Variants in FER1L6 observed in about 807,000 individuals in gnomAD.
The protein encoded by FER1L6 is fer-1-like protein 6.
FER1L6 carries 177 observed loss-of-function variants against 219.2 expected under a neutral mutation model. That is an observed-to-expected ratio of 0.81 (90% CI 0.71 to 0.91). The LOEUF is 0.91. Ranked by LOEUF, FER1L6 falls within the 40% of genes least tolerant of loss-of-function variation. The probability of loss-of-function intolerance (pLI) is 0.00; values close to 1 mark genes in which losing one functional copy is unlikely to be tolerated. For missense variants in FER1L6, 2,153 were observed against 2,259.9 expected, an observed-to-expected ratio of 0.95 and a Z score of 0.96; for synonymous variants, 768 against 824.3, an observed-to-expected ratio of 0.93 and a Z score of 1.17.
chr8:124,016,877 C>T (rs1433335359), intron 15 of FER1L6, among the ~76,000 whole-genome samples: 1 of 152,078 alleles, frequency 6.6e-6, no homozygotes, highest in Non-Finnish European at 1.5e-5. Flanking sequence ...GGTAAGAATT[C>T]TAGTGTAATT....
At chr8:123,899,538 T>C (rs1201210151) in intron 1 of FER1L6, among the ~76,000 whole-genome samples, 1 of 152,230 alleles carries the variant, frequency 6.6e-6, no homozygotes, top group African/African-American at 2.4e-5. Flanking sequence ...TATTTGTATT[T>C]GTTTTTATCG....
chr8:123,966,347 T>TG, intron 5 of FER1L6, 57 bp downstream of exon 5: 1 of 1,600,294 alleles, frequency 6.2e-7, no homozygotes, highest in East Asian at 2.2e-5. Flanking sequence ...ACCACCATTC[T>TG]GCAGGATCCT....
chr8:123,926,315 G>T (rs559588581), intron 1 of FER1L6, among the ~76,000 whole-genome samples: 4 of 152,166 alleles, frequency 2.6e-5, no homozygotes, highest in Non-Finnish European at 5.9e-5. Context: ...AATCCCGGTG[G>T]CTTACTTTCC....
Position 123,975,223 on chromosome 8 carries a change from G to A in FER1L6, c.600G>A (p.Leu200=). ...TCAGGACTGGCACCAAGGGGTACCT[G>A]AAATGTGACATCAGTGTCATGGGAA... The part of the protein sequence containing the change: ...GDIRTGTKGY[L]KCDISVMGKG... The change falls in exon 8 of 41, where the codon CTG becomes CTA. Residue 200 remains leucine (L), a synonymous_variant. Transcript: ENST00000522917. The A allele has an allele frequency of 6.2e-7, 1 of 1,613,190 alleles. No homozygotes were observed. Among genetic ancestry groups the A allele is most frequent in the East Asian group, 2.2e-5 (1 of 44,848 alleles).
At chr8:124,036,372 T>C (rs1227539075) in intron 19 of FER1L6, 1 of 152,242 alleles carries the variant, frequency 6.6e-6, no homozygotes, top group Non-Finnish European at 1.5e-5. Context: ...CGTAAGAGCA[T>C]TGTCTTTGGA....
intron 39 of FER1L6, among the ~76,000 whole-genome samples, chr8:124,110,963 A>G (rs1822999691): frequency 6.6e-6 from 1 of 152,206 alleles, no homozygotes; most frequent in Non-Finnish European, 1.5e-5. Context: ...AACTTGGAGC[A>G]AAGTGCTCAC....
intron 20 of FER1L6, among the ~76,000 whole-genome samples, chr8:124,042,290 G>C (rs1819536141): frequency 1.3e-5 from 2 of 152,176 alleles, no homozygotes; most frequent in African/African-American, 4.8e-5. Flanking sequence ...TTGAGTTCTG[G>C]ACTCTGTCTC....
rs565983056 is a variant in FER1L6, at chr8:123,871,023, A to C, written c.-8+18838A>C. Among the ~76,000 whole-genome samples the C allele has an allele frequency of 6.6e-5, 10 of 152,340 alleles. No homozygotes were observed. The East Asian group carries it at 1.9e-3, about 29-fold the overall frequency. The stretch of plus-strand genomic sequence containing the variant: ...AAAACCACTATATATGTATACAGGA[A>C]TTGAATACTTAAGTAAATGAATGGC... On this transcript the variant is annotated intron_variant, in intron 1 of 40. Coordinates refer to ENST00000522917, the MANE Select transcript of FER1L6 (RefSeq NM_001039112.2).
chr8:124,014,562 A>T (rs948269167), intron 15 of FER1L6: 6 of 152,608 alleles, frequency 3.9e-5, no homozygotes, highest in African/African-American at 1.4e-4. Context: ...GGTCAGAGAG[A>T]CAGGGAGACA....
intron 12 of FER1L6, among the ~76,000 whole-genome samples, chr8:123,991,417 C>A (rs981752744): frequency 6.6e-6 from 1 of 152,026 alleles, no homozygotes; most frequent in Non-Finnish European, 1.5e-5. Flanking sequence ...AGAGATATTT[C>A]ACCTCCTTGG....
At chr8:123,895,804 A>G (rs1812732561) in intron 1 of FER1L6, among the ~76,000 whole-genome samples, 1 of 152,188 alleles carries the variant, frequency 6.6e-6, no homozygotes, top group African/African-American at 2.4e-5. Flanking sequence ...AGCATTAACT[A>G]TTGTCTCGCC....
At chr8:123,981,001 A>G (rs1350221787) in intron 11 of FER1L6, among the ~76,000 whole-genome samples, 190 bp downstream of exon 11, 1 of 152,166 alleles carries the variant, frequency 6.6e-6, no homozygotes, top group African/African-American at 2.4e-5. Flanking sequence ...CCATCTGCCT[A>G]TGATAAATTC....
At chr8:124,044,146 C>T (rs577880875) in intron 20 of FER1L6, among the ~76,000 whole-genome samples, 6 of 152,270 alleles carry the variant, frequency 3.9e-5, no homozygotes, top group South Asian at 2.1e-4. Context: ...TTTGGTATTA[C>T]GCTGTCAAGT....
chr8:123,986,258 T>C, intron 12 of FER1L6, 82 bp downstream of exon 12: 1 of 829,488 alleles, frequency 1.2e-6, no homozygotes, highest in Non-Finnish European at 2.0e-6. Flanking sequence ...GTGCCTTACA[T>C]GAAGATAATA....
At chr8:123,896,598 TA>T (rs1373069631) in intron 1 of FER1L6, among the ~76,000 whole-genome samples, 1 of 152,204 alleles carries the variant, frequency 6.6e-6, no homozygotes, top group Admixed American at 6.5e-5. Context: ...AAGCGTCTAT[TA>T]TTTTTTTTCC....
At chr8:123,902,984 G>C (rs762380432) in intron 1 of FER1L6, among the ~76,000 whole-genome samples, 1 of 152,042 alleles carries the variant, frequency 6.6e-6, no homozygotes, top group Middle Eastern at 3.2e-3. Context: ...AGCAGTCCTC[G>C]TGGTTGTTTG....
chr8:124,021,928 C>T (rs1025802060), intron 17 of FER1L6, among the ~76,000 whole-genome samples: 1 of 152,054 alleles, frequency 6.6e-6, no homozygotes, highest in African/African-American at 2.4e-5. Context: ...GTGAAGTCAA[C>T]GTAAGCCCAG....
At position 123,994,427 on chromosome 8, in the gene FER1L6, GA is replaced by G. The variant is rs142978689; in HGVS notation, c.1519+8253del. On this transcript the variant is annotated intron_variant, in intron 12 of 40. Coordinates refer to ENST00000522917, the MANE Select transcript of FER1L6 (RefSeq NM_001039112.2). ...AGAGCACAGCTGCCTTTTCTGTACGGAAGAGTCCAGAGAAGGAGTGGGGGGT... is the reference window on the plus strand; with the variant it reads ...AGAGCACAGCTGCCTTTTCTGTACGGAGAGTCCAGAGAAGGAGTGGGGGGT... Among the ~76,000 whole-genome samples, 527 of 152,316 alleles carry G rather than the reference GA, an allele frequency of 3.5e-3. 2 individuals are homozygous for G. Among genetic ancestry groups the G allele is most frequent in the African/African-American group, 0.012 (500 of 41,558 alleles).
intron 1 of FER1L6, among the ~76,000 whole-genome samples, chr8:123,904,652 G>A (rs887581088): frequency 1.3e-5 from 2 of 152,176 alleles, no homozygotes; most frequent in Admixed American, 6.5e-5. Flanking sequence ...GTTGAGCAGA[G>A]GGTAGATGCC....
Sources: allele counts gnomAD v4.1 joint callset (sites outside exome capture counted in the v4.1 genomes callset), GRCh38; gene constraint gnomAD v4.1.1; transcripts MANE v1.5; gene names NCBI Gene and HGNC (gene_info 2026-07-23, HGNC 2026-07-21).